The following DNAJC3 variants were observed in gnomAD, a reference collection of about 807,000 sequenced individuals.
The protein encoded by DNAJC3 is DnaJ heat shock protein family (Hsp40) member C3.
Under a neutral mutation model 68.6 loss-of-function variants are expected in DNAJC3, and 38 were observed. The ratio of observed to expected loss-of-function variants is 0.55; its 90% CI spans 0.43 to 0.73. DNAJC3 has a LOEUF of 0.73. DNAJC3 is among the 30% of genes least tolerant of loss of function. The pLI, the probability that DNAJC3 is intolerant of heterozygous loss-of-function variation, is 0.00. For synonymous variants in DNAJC3, 203 were observed against 204.0 expected (o/e 1.00, Z 0.04); for missense variants, 526 against 591.9 (o/e 0.89, Z 1.16).
At chr13:95,735,314 A>C (rs1365238359) in intron 4 of DNAJC3, among the ~76,000 whole-genome samples, 1 of 114,206 alleles carries the variant, frequency 8.8e-6, no homozygotes, top group East Asian at 2.6e-4. Context: ...AGCATGATTT[A>C]TAGTCCTTTG....
In DNAJC3 at chr13:95,757,812, A is replaced by G. The variant is rs1406075302; in HGVS notation, c.546+16A>G. ...GATTTTAGAGGTAAGTTTCTTAGATACTGCAGTTGACCAGCCTGACACTTA... is the reference window on the plus strand; with the variant it reads ...GATTTTAGAGGTAAGTTTCTTAGATGCTGCAGTTGACCAGCCTGACACTTA... On this transcript the variant is annotated intron_variant, in intron 5 of 11. Coordinates refer to ENST00000602402, the MANE Select transcript of DNAJC3 (RefSeq NM_006260.5). 6.5e-7 allele frequency: 1 copy of G among 1,527,324 alleles called. No individual in the cohort carries two copies. The highest frequency in any genetic ancestry group is 2.3e-5 in the East Asian group (1 of 43,724). 94.6% of individuals were successfully genotyped at this position (1,527,324 alleles called of 1,614,324 possible). A position where few individuals can be genotyped will look rare whatever the true frequency, so the allele number is the denominator to read the frequency against.
chr13:95,777,791 C>G (rs958834266), intron 9 of DNAJC3, among the ~76,000 whole-genome samples: 1 of 152,058 alleles, frequency 6.6e-6, no homozygotes, highest in Non-Finnish European at 1.5e-5. Context: ...AAGAAGGGAA[C>G]AAAAAACTTG....
chr13:95,677,255 C>G lies in DNAJC3; in HGVS notation c.-1C>G. The G allele has an allele frequency of 6.2e-7, 1 of 1,602,874 alleles. No individual in the cohort carries two copies. Reference sequence around the variant, plus strand: ...TCCTCTTCACTCGCGAGCCCTCGGACATGGTGGCCCCCGGCTCCGTGACCA... The same window carrying G: ...TCCTCTTCACTCGCGAGCCCTCGGAGATGGTGGCCCCCGGCTCCGTGACCA... On this transcript the variant is annotated 5_prime_UTR_variant, in exon 1 of 12. Coordinates refer to ENST00000602402, the MANE Select transcript of DNAJC3 (RefSeq NM_006260.5).
chr13:95,740,001 C>T (rs1882071325), intron 4 of DNAJC3, among the ~76,000 whole-genome samples: 1 of 152,088 alleles, frequency 6.6e-6, no homozygotes. Flanking sequence ...GTGTGGATGT[C>T]CTTTCTGTTT....
Position 95,760,728 on chromosome 13 carries a change from G to A in DNAJC3, c.778G>A (p.Ala260Thr). Reference sequence around the variant, plus strand: ...TGACCAGGATCATAAAAGGTGTTTTGCACACTATAAACAAGTAAAGAAACT... The same window carrying A: ...TGACCAGGATCATAAAAGGTGTTTTACACACTATAAACAAGTAAAGAAACT... ...KLDQDHKRCF[A>T]HYKQVKKLNK... The change falls in exon 7 of 12, where the codon GCA becomes ACA. Residue 260 changes from alanine to threonine, a missense_variant. By Grantham distance (58) the Ala-to-Thr change is moderately conservative. Transcript: ENST00000602402. 6.2e-7 allele frequency: 1 copy of A among 1,612,650 alleles called. No homozygotes were observed. The highest frequency in any genetic ancestry group is 8.5e-7 in the Non-Finnish European group (1 of 1,179,342).
intron 1 of DNAJC3, among the ~76,000 whole-genome samples, chr13:95,706,635 C>T (rs1880758542): frequency 6.6e-6 from 1 of 152,234 alleles, no homozygotes; most frequent in East Asian, 1.9e-4. Flanking sequence ...AAGCTGTCCT[C>T]AGGTTTTTAA....
At position 95,794,491 on chromosome 13, in the gene DNAJC3, G is replaced by A. The variant is rs1484660720; in HGVS notation, c.*3461G>A. On this transcript the variant is annotated 3_prime_UTR_variant, in exon 12 of 12. Coordinates refer to ENST00000602402, the MANE Select transcript of DNAJC3 (RefSeq NM_006260.5). ...TTTTCCAAATTTATAAAGGAAGGAA[G>A]AAGGCAAATGTTAATTTGCCAACAA... 2.6e-5 allele frequency: 4 copies of A among 152,372 alleles called. No individual in the cohort carries two copies. The East Asian group carries it at 7.7e-4, about 29-fold the overall frequency. The allele number at this position is 152,372 out of a possible 1,614,324, so 9.4% of individuals were successfully genotyped here.
rs190438931 is a variant in DNAJC3 at position 95,731,999 on chromosome 13, C to T, written c.393+6747C>T. ...AAGAGATCCTTCCACCTTGGCCTCC[C>T]GAAGTGCTGAGATTACAGGCATCAG... On this transcript the variant is annotated intron_variant, in intron 4 of 11. Coordinates refer to ENST00000602402, the MANE Select transcript of DNAJC3 (RefSeq NM_006260.5). Among the ~76,000 whole-genome samples, 3 of 151,802 alleles carry T rather than the reference C, an allele frequency of 2.0e-5. No homozygotes were observed. The East Asian group carries it at 5.8e-4, about 29-fold the overall frequency.
chr13:95,706,488 T>C (rs574581756), intron 1 of DNAJC3, among the ~76,000 whole-genome samples: 1 of 152,392 alleles, frequency 6.6e-6, no homozygotes, highest in South Asian at 2.1e-4. Context: ...TGTGTTCAGC[T>C]ACTTCCTTTG....
At chr13:95,754,651 G>A (rs2139670081) in intron 4 of DNAJC3, among the ~76,000 whole-genome samples, 1 of 152,264 alleles carries the variant, frequency 6.6e-6, no homozygotes, top group South Asian at 2.1e-4. Flanking sequence ...GGACAACATA[G>A]TGAGAACCTG....
At chr13:95,750,513 ATT>A (rs111462244) in intron 4 of DNAJC3, among the ~76,000 whole-genome samples, 6 of 144,192 alleles carry the variant, frequency 4.2e-5, no homozygotes, top group African/African-American at 7.6e-5. Context: ...TAATTATTCA[ATT>A]TTTTTTTTTT....
intron 9 of DNAJC3, among the ~76,000 whole-genome samples, chr13:95,780,868 T>C (rs1883430525): frequency 1.3e-5 from 2 of 152,276 alleles, no homozygotes; most frequent in East Asian, 3.9e-4. Context: ...ACTATGGAAA[T>C]GCTGAGAAGT....
intron 9 of DNAJC3, among the ~76,000 whole-genome samples, chr13:95,765,803 C>A (rs146069461): frequency 2.6e-5 from 4 of 152,130 alleles, no homozygotes; most frequent in African/African-American, 9.6e-5. Context: ...AACTCCTGAC[C>A]TCAGGTGATC....
At chr13:95,677,461 C>T (rs1027365017) in intron 1 of DNAJC3, 124 bp downstream of exon 1, 3 of 1,000,836 alleles carry the variant, frequency 3.0e-6, no homozygotes, top group Non-Finnish European at 4.1e-6. Flanking sequence ...TGGGGGAGCC[C>T]GCGGCCTGGC....
chr13:95,733,093 A>T (rs1881768350), intron 4 of DNAJC3, among the ~76,000 whole-genome samples: 1 of 152,192 alleles, frequency 6.6e-6, no homozygotes, highest in Non-Finnish European at 1.5e-5. Flanking sequence ...GCTGATGAGC[A>T]GTATGTATAT....
chr13:95,692,181 T>C (rs1449475133), intron 1 of DNAJC3, among the ~76,000 whole-genome samples: 2 of 151,986 alleles, frequency 1.3e-5, no homozygotes, highest in South Asian at 2.1e-4. Flanking sequence ...ATTGAAACTT[T>C]CCATGGCCAA....
intron 1 of DNAJC3, among the ~76,000 whole-genome samples, chr13:95,688,140 C>G (rs1376114371): frequency 6.6e-6 from 1 of 152,164 alleles, no homozygotes; most frequent in Admixed American, 6.5e-5. Flanking sequence ...TATCCTGAAA[C>G]TTTACTGAAG....
At chr13:95,690,961 C>T (rs537484120) in intron 1 of DNAJC3, among the ~76,000 whole-genome samples, 1,830 of 131,552 alleles carry the variant, frequency 0.014, 80 homozygotes, top group African/African-American at 0.052. Context: ...GCTGGCCGGG[C>T]GGGGGGCTGA....
intron 4 of DNAJC3, among the ~76,000 whole-genome samples, chr13:95,738,020 G>T (rs1330338302): frequency 2.9e-5 from 4 of 136,000 alleles, no homozygotes; most frequent in African/African-American, 1.1e-4. Flanking sequence ...CTGGTATGTT[G>T]TGTCTTTGTT....
Sources: allele counts gnomAD v4.1 joint callset (sites outside exome capture counted in the v4.1 genomes callset), GRCh38; gene constraint gnomAD v4.1.1; transcripts MANE v1.5; gene names NCBI Gene and HGNC (gene_info 2026-07-23, HGNC 2026-07-21).